IKZF1: variants seen among roughly 807,000 people sequenced by gnomAD.
IKZF1 encodes DNA-binding protein Ikaros.
In IKZF1, 10 loss-of-function variants were observed where a neutral mutation model predicts 51.7. The ratio of observed to expected loss-of-function variants is 0.19; its 90% CI spans 0.12 to 0.33. IKZF1 has a LOEUF of 0.33. IKZF1 is among the 10% of genes least tolerant of loss of function. The probability of loss-of-function intolerance (pLI) is 1.00; values close to 1 mark genes in which losing one functional copy is unlikely to be tolerated. For missense variants in IKZF1, 484 were observed against 707.5 expected, an observed-to-expected ratio of 0.68 and a Z score of 3.58; for synonymous variants, 280 against 282.3, an observed-to-expected ratio of 0.99 and a Z score of 0.08.
intron 3 of IKZF1, among the ~76,000 whole-genome samples, chr7:50,360,167 A>G (rs931579854): frequency 1.3e-5 from 2 of 151,890 alleles, no homozygotes; most frequent in African/African-American, 4.8e-5. Flanking sequence ...GAGGGACAGC[A>G]GAGGATCCAC....
intron 6 of IKZF1, 33 bp downstream of exon 6, chr7:50,387,503 G>A (rs1224085601): frequency 6.3e-7 from 1 of 1,589,548 alleles, no homozygotes. Flanking sequence ...CAGCCTGGTG[G>A]GCTCTCCCCC....
In IKZF1 at chr7:50,376,664, G is replaced by C. The variant is rs1443120422; in HGVS notation, c.292G>C (p.Asp98His). 14 of 1,613,882 alleles carry C rather than the reference G, an allele frequency of 8.7e-6. No individual in the cohort carries two copies. The highest frequency in any genetic ancestry group is 1.1e-5 in the Non-Finnish European group (13 of 1,179,906). The change falls in exon 4 of 8, where the codon GAC (aspartate) becomes CAC (histidine). Residue 98 changes from aspartate to histidine, a missense_variant. Asp to His is a moderately conservative substitution (Grantham distance 81, BLOSUM62 -1). Around this residue, in one of 6 missense-constraint regions of IKZF1, gnomAD observed 118 missense variants for 138.4 expected, o/e 0.85. Coordinates refer to ENST00000331340, the MANE Select transcript of IKZF1 (RefSeq NM_006060.6). This position sits in a 1 kb window ranked among gnomAD's most constrained non-coding sequence, Gnocchi z 4.5. ...AGAGAAAATGAATGGCTCCCACAGGGACCAAGGCAGCTCGGCTTTGTCGGG... is the reference window on the plus strand; with the variant it reads ...AGAGAAAATGAATGGCTCCCACAGGCACCAAGGCAGCTCGGCTTTGTCGGG... ...SGEKMNGSHR[D>H]QGSSALSGVG...
intron 1 of IKZF1, among the ~76,000 whole-genome samples, chr7:50,311,282 G>C (rs1790100733): frequency 6.6e-6 from 1 of 152,176 alleles, no homozygotes; most frequent in African/African-American, 2.4e-5. Flanking sequence ...CAAGGAATAA[G>C]AGGTAAATAG....
intron 3 of IKZF1, among the ~76,000 whole-genome samples, chr7:50,330,072 C>G (rs959115051): frequency 6.6e-6 from 1 of 152,158 alleles, no homozygotes; most frequent in African/African-American, 2.4e-5. Flanking sequence ...GTTCCCAGAG[C>G]TGTCTTTTGG....
chr7:50,306,611 G>T (rs1000752339), intron 1 of IKZF1, among the ~76,000 whole-genome samples: 7 of 152,176 alleles, frequency 4.6e-5, no homozygotes, highest in African/African-American at 1.7e-4. Flanking sequence ...CTTTCGAAGA[G>T]TTTTACACAG....
chr7:50,319,910 C>T (rs1398961322), intron 2 of IKZF1, among the ~76,000 whole-genome samples: 1 of 152,194 alleles, frequency 6.6e-6, no homozygotes, highest in African/African-American at 2.4e-5. Context: ...TGGGATTCTA[C>T]AAGTTGGTGC....
chr7:50,343,677 A>G (rs930888948), intron 3 of IKZF1, among the ~76,000 whole-genome samples: 1 of 152,216 alleles, frequency 6.6e-6, no homozygotes, highest in Non-Finnish European at 1.5e-5. Flanking sequence ...TCTTTAACTG[A>G]GTGTACCTAG....
At chr7:50,360,104 T>C (rs912713964) in intron 3 of IKZF1, among the ~76,000 whole-genome samples, 2 of 152,106 alleles carry the variant, frequency 1.3e-5, no homozygotes, top group Non-Finnish European at 2.9e-5. Flanking sequence ...TCCTCTGTGC[T>C]GAGTCACCTT....
intron 5 of IKZF1, among the ~76,000 whole-genome samples, chr7:50,383,636 TTGA>T (rs1353181177): frequency 1.3e-5 from 2 of 152,182 alleles, no homozygotes; most frequent in Non-Finnish European, 2.9e-5. Flanking sequence ...AGGCGAAAGG[TTGA>T]TGGCTTTTGT....
intron 5 of IKZF1, among the ~76,000 whole-genome samples, chr7:50,385,554 C>A (rs571074416): frequency 4.6e-5 from 7 of 152,344 alleles, no homozygotes; most frequent in Admixed American, 3.9e-4. Flanking sequence ...CTTAGAATTT[C>A]TTTCCCAAAG....
At chr7:50,357,640 TC>T (rs1352235588) in intron 3 of IKZF1, among the ~76,000 whole-genome samples, 22 of 152,194 alleles carry the variant, frequency 1.4e-4, no homozygotes, top group African/African-American at 5.3e-4. Context: ...CTATAATTTC[TC>T]TGGAGACTCC....
rs1484929828 is a variant in IKZF1 at position 50,404,704 on chromosome 7, A to G, written c.*4077A>G. 2 of 231,324 alleles carry G rather than the reference A, an allele frequency of 8.6e-6. No homozygotes were observed. The highest frequency in any genetic ancestry group is 8.6e-6 in the Non-Finnish European group (1 of 116,848). The allele number at this position is 231,324 out of a possible 1,614,324, so 14.3% of individuals were successfully genotyped here. On this transcript the variant is annotated 3_prime_UTR_variant, in exon 8 of 8. Transcript: ENST00000331340. ...AGGGTGGGTGGAGATGGAGGGCAAC[A>G]AGAGATACATTTCCAGTTCTCCACT... is the stretch of plus-strand genomic sequence containing the variant.
intron 3 of IKZF1, among the ~76,000 whole-genome samples, chr7:50,367,328 G>A (rs138316853): frequency 1.4e-4 from 21 of 152,314 alleles, no homozygotes; most frequent in Non-Finnish European, 2.2e-4. Context: ...GTGTGTGTGT[G>A]TGTGTACACA....
At position 50,376,915 on chromosome 7, in the gene IKZF1, T is replaced by C; in HGVS notation, c.421+122T>C. ...TTCTAATTGACTGGTAGCTCAGTTG[T>C]TGCAAGCGATTGGTTCCAAGTGGTA... On this transcript the variant is annotated intron_variant, in intron 4 of 7. Transcript: ENST00000331340. The surrounding 1 kb of genome is among the most constrained non-coding windows in gnomAD (Gnocchi z 4.5). 1 of 1,460,024 alleles carries C rather than the reference T, an allele frequency of 6.8e-7. No homozygotes were observed. The highest frequency in any genetic ancestry group is 9.1e-7 in the Non-Finnish European group (1 of 1,098,134). 90.4% of individuals were successfully genotyped at this position (1,460,024 alleles called of 1,614,324 possible). A position where few individuals can be genotyped will look rare whatever the true frequency, so the allele number is the denominator to read the frequency against.
At chr7:50,361,477 T>C (rs907511870) in intron 3 of IKZF1, among the ~76,000 whole-genome samples, 5 of 152,210 alleles carry the variant, frequency 3.3e-5, no homozygotes, top group African/African-American at 1.2e-4. Context: ...ATGGAGATCC[T>C]GGACCCGGAA....
Position 50,400,325 on chromosome 7 carries a change from C to T in IKZF1, c.1258C>T (p.Pro420Ser). The stretch of plus-strand genomic sequence containing the variant: ...CATCTACCTGACCAACCACATCGCC[C>T]CGCACGCGCGCAACGGGCTGTCGCT... ...GLIYLTNHIA[P>S]HARNGLSLKE... Residue 420 changes from proline (P) to serine (S), a missense_variant, in exon 8 of 8, where the codon CCG becomes TCG. Coordinates refer to ENST00000331340, the MANE Select transcript of IKZF1 (RefSeq NM_006060.6). The surrounding 1 kb of genome is among the most constrained non-coding windows in gnomAD (Gnocchi z 5.4). The T allele has an allele frequency of 1.2e-6, 2 of 1,613,046 alleles. No homozygotes were observed. The highest frequency in any genetic ancestry group is 1.7e-6 in the Non-Finnish European group (2 of 1,179,720).
intron 1 of IKZF1, among the ~76,000 whole-genome samples, chr7:50,309,336 G>T (rs1349171001): frequency 1.3e-5 from 2 of 152,196 alleles, no homozygotes; most frequent in Non-Finnish European, 2.9e-5. Flanking sequence ...AGAGAGCAAT[G>T]CAGTAAAAAG....
chr7:50,347,798 T>C (rs1422374115), intron 3 of IKZF1, among the ~76,000 whole-genome samples: 27 of 152,200 alleles, frequency 1.8e-4, no homozygotes. Flanking sequence ...TTACCATCGA[T>C]ACGGAAAGAT....
At chr7:50,326,931 A>G (rs1795175709) in intron 2 of IKZF1, among the ~76,000 whole-genome samples, 2 of 152,328 alleles carry the variant, frequency 1.3e-5, no homozygotes, top group Middle Eastern at 3.4e-3. Flanking sequence ...GGCAGAATGT[A>G]TAGCTCTAAG....
Sources: allele counts gnomAD v4.1 joint callset (sites outside exome capture counted in the v4.1 genomes callset), GRCh38; gene constraint gnomAD v4.1.1; regional missense constraint gnomAD v4.1.1; non-coding constraint Gnocchi (gnomAD v3.1); transcripts MANE v1.5; gene names NCBI Gene and HGNC (gene_info 2026-07-23, HGNC 2026-07-21).